Variants in DNER observed in about 807,000 individuals in gnomAD.
DNER encodes the protein delta and Notch-like epidermal growth factor-related receptor.
In DNER, 33 loss-of-function variants were observed where a neutral mutation model predicts 78.2. The ratio of observed to expected loss-of-function variants is 0.42; its 90% CI spans 0.32 to 0.56. The LOEUF is 0.56. Among genes scored for constraint, DNER ranks in the 20% least tolerant of loss-of-function variants. The pLI is 0.11. For missense variants in DNER, 918 were observed against 975.3 expected, an observed-to-expected ratio of 0.94 and a Z score of 0.78; for synonymous variants, 417 against 384.8, an observed-to-expected ratio of 1.08 and a Z score of -0.98.
At chr2:229,634,274 C>T (rs554546735) in intron 1 of DNER, among the ~76,000 whole-genome samples, 1 of 151,884 alleles carries the variant, frequency 6.6e-6, no homozygotes, top group Non-Finnish European at 1.5e-5. Context: ...TCCTTCCTTC[C>T]TTCCTTCTTT....
At chr2:229,403,714 G>A (rs1448057297) in intron 10 of DNER, among the ~76,000 whole-genome samples, 1 of 152,100 alleles carries the variant, frequency 6.6e-6, no homozygotes, top group East Asian at 1.9e-4. Context: ...GCCTAAGGGT[G>A]AGATTGCTGG....
At chr2:229,589,096 A>G (rs939087927) in intron 2 of DNER, among the ~76,000 whole-genome samples, 17 of 152,238 alleles carry the variant, frequency 1.1e-4, no homozygotes, top group South Asian at 6.2e-4. Flanking sequence ...AAGGAGATCA[A>G]TTGGTGGGGG....
intron 1 of DNER, among the ~76,000 whole-genome samples, chr2:229,600,646 A>C (rs1213512343): frequency 6.6e-6 from 1 of 152,216 alleles, no homozygotes; most frequent in Non-Finnish European, 1.5e-5. Context: ...CTATGAAAAG[A>C]ATGCTCATCT....
At chr2:229,646,750 C>T (rs1191782669) in intron 1 of DNER, among the ~76,000 whole-genome samples, 1 of 152,256 alleles carries the variant, frequency 6.6e-6, no homozygotes, top group African/African-American at 2.4e-5. Flanking sequence ...AGGCCAGGTC[C>T]TCAGGGTCCA....
intron 6 of DNER, among the ~76,000 whole-genome samples, chr2:229,489,240 T>C (rs902177130): frequency 1.3e-5 from 2 of 152,146 alleles, no homozygotes; most frequent in African/African-American, 4.8e-5. Context: ...TGCCAACAGC[T>C]TGAATCAGGG....
At chr2:229,616,208 C>T (rs11898749) in intron 1 of DNER, among the ~76,000 whole-genome samples, 24,203 of 152,186 alleles carry the variant, frequency 0.16, 2,181 homozygotes, top group South Asian at 0.27. Flanking sequence ...GCTACTACCA[C>T]GGACCACCAC....
intron 1 of DNER, among the ~76,000 whole-genome samples, chr2:229,648,882 G>GTT (rs1559195146): frequency 6.6e-6 from 1 of 152,148 alleles, no homozygotes; most frequent in Admixed American, 6.5e-5. Context: ...TATATTCACT[G>GTT]TTCCAAACCT....
intron 7 of DNER, 78 bp downstream of exon 7, chr2:229,477,062 A>T (rs1483518002): frequency 8.4e-7 from 1 of 1,187,966 alleles, no homozygotes; most frequent in African/African-American, 1.6e-5. Flanking sequence ...TTTTGCAGAA[A>T]CAAAGTATAA....
intron 4 of DNER, 93 bp downstream of exon 4, chr2:229,585,765 A>G: frequency 7.3e-7 from 1 of 1,376,674 alleles, no homozygotes; most frequent in South Asian, 1.3e-5. Context: ...AATTCAGATT[A>G]TCTGAGCAAA....
chr2:229,573,124 G>T lies in DNER; in HGVS notation c.847+12734C>A, dbSNP rs199552829. On this transcript the variant is annotated intron_variant, in intron 4 of 12. Transcript: ENST00000341772. The stretch of plus-strand genomic sequence containing the variant: ...GAGGCTGTCATCTGTTATTAGCGAT[G>T]CAGCCAAACAGCATTTGTCATGTAT... Among the ~76,000 whole-genome samples the T allele has an allele frequency of 4.8e-4, 73 of 152,302 alleles. No homozygotes were observed. The East Asian group carries it at 0.01, about 21-fold the overall frequency.
intron 6 of DNER, among the ~76,000 whole-genome samples, chr2:229,505,447 G>A (rs1695718988): frequency 6.6e-6 from 1 of 152,104 alleles, no homozygotes; most frequent in Admixed American, 6.5e-5. Flanking sequence ...GCATAAAAAA[G>A]AGTAGAGCCG....
At chr2:229,651,836 C>G (rs1166249719) in intron 1 of DNER, among the ~76,000 whole-genome samples, 5 of 152,170 alleles carry the variant, frequency 3.3e-5, no homozygotes, top group African/African-American at 1.2e-4. Flanking sequence ...TGCAAGTTAG[C>G]ATGATCCGTC....
intron 7 of DNER, among the ~76,000 whole-genome samples, chr2:229,465,017 T>G (rs1311757992): frequency 6.6e-6 from 1 of 152,164 alleles, no homozygotes. Flanking sequence ...TGGAAGACAG[T>G]GTGGTGATTC....
chr2:229,401,424 A>G, intron 10 of DNER, among the ~76,000 whole-genome samples: 1 of 152,130 alleles, frequency 6.6e-6, no homozygotes, highest in East Asian at 1.9e-4. Context: ...AAAACAATCC[A>G]GATTCCTTTC....
intron 4 of DNER, among the ~76,000 whole-genome samples, chr2:229,568,162 T>C (rs1020290122): frequency 5.3e-5 from 8 of 152,228 alleles, no homozygotes; most frequent in African/African-American, 1.9e-4. Context: ...CATTTCTTTT[T>C]TGGTTTTTAA....
chr2:229,557,114 G>A (rs1264385788), intron 4 of DNER, among the ~76,000 whole-genome samples: 1 of 152,188 alleles, frequency 6.6e-6, no homozygotes, highest in African/African-American at 2.4e-5. Flanking sequence ...TTACAAAGGG[G>A]CAGCAGGAAG....
At chr2:229,622,081 G>A (rs912216891) in intron 1 of DNER, among the ~76,000 whole-genome samples, 14 of 152,118 alleles carry the variant, frequency 9.2e-5, no homozygotes, top group South Asian at 4.2e-4. Flanking sequence ...GCGAGACTCC[G>A]TCTCAAAAAA....
intron 10 of DNER, among the ~76,000 whole-genome samples, chr2:229,406,331 A>T (rs528611237): frequency 6.6e-6 from 1 of 152,134 alleles, no homozygotes; most frequent in African/African-American, 2.4e-5. Context: ...TGCAATCCAG[A>T]GTGACCCTTA....
At chr2:229,520,675 A>T (rs2154212562) in intron 5 of DNER, among the ~76,000 whole-genome samples, 1 of 152,314 alleles carries the variant, frequency 6.6e-6, no homozygotes, top group Middle Eastern at 3.4e-3. Context: ...TAAAACTCGG[A>T]AACACTGGAA....
Sources: allele counts gnomAD v4.1 joint callset (sites outside exome capture counted in the v4.1 genomes callset), GRCh38; gene constraint gnomAD v4.1.1; transcripts MANE v1.5; gene names NCBI Gene and HGNC (gene_info 2026-07-23, HGNC 2026-07-21).